NAV2: variants seen among roughly 807,000 people sequenced by gnomAD.
The protein encoded by NAV2 is neuron navigator 2.
A neutral mutation model predicts 223.2 loss-of-function variants in NAV2; 54 were observed. That is an observed-to-expected ratio of 0.24 (90% CI 0.19 to 0.30). The LOEUF (loss-of-function observed/expected upper bound fraction) is 0.30. Ranked by LOEUF, NAV2 falls within the 10% of genes least tolerant of loss-of-function variation. The pLI, the probability that NAV2 is intolerant of heterozygous loss-of-function variation, is 1.00. For synonymous variants in NAV2, 1,279 were observed against 1,239.3 expected (o/e 1.03, Z -0.67); for missense variants, 2,806 against 3,147.5 (o/e 0.89, Z 2.60).
At chr11:19,394,769 G>C (rs1418715603) in intron 1 of NAV2, among the ~76,000 whole-genome samples, 3 of 152,204 alleles carry the variant, frequency 2.0e-5, no homozygotes, top group African/African-American at 7.2e-5. Context: ...CCCCAGTGAG[G>C]TGGGGAGTGG....
intron 1 of NAV2, among the ~76,000 whole-genome samples, chr11:19,703,540 C>A (rs2049572340): frequency 6.6e-6 from 1 of 152,208 alleles, no homozygotes; most frequent in Admixed American, 6.5e-5. Context: ...ATGCTACCCG[C>A]ACCGCTGGAG....
At chr11:19,976,458 C>A (rs1989730) in intron 10 of NAV2, among the ~76,000 whole-genome samples, 5 of 152,186 alleles carry the variant, frequency 3.3e-5, no homozygotes, top group African/African-American at 1.2e-4. Context: ...TTTTCCCTGG[C>A]GAGGCTGGCA....
chr11:19,993,440 ACACTTAAATT>A (rs755493346), intron 11 of NAV2, among the ~76,000 whole-genome samples: 2 of 152,216 alleles, frequency 1.3e-5, no homozygotes, highest in Non-Finnish European at 2.9e-5. Context: ...TCACATGGCT[ACACTTAAATT>A]CAAAGGTGAA....
intron 11 of NAV2, among the ~76,000 whole-genome samples, chr11:20,000,262 A>C (rs2052410389): frequency 6.6e-6 from 1 of 152,238 alleles, no homozygotes; most frequent in Non-Finnish European, 1.5e-5. Flanking sequence ...ACCTGTTAAA[A>C]TCCCCAGCAA....
At position 19,933,821 on chromosome 11, in the gene NAV2, G is replaced by A; in HGVS notation, c.1577G>A (p.Gly526Glu). ...LKEEPKEDPS[G>E]AAVPEMPKKS... ...GAGGAGCCAAAAGAAGACCCCAGTG[G>A]AGCAGCTGTGCCCGAGATGCCAAAA... Residue 526 changes from glycine (G) to glutamate (E), a missense_variant, in exon 7 of 38, where the codon GGA (glycine) becomes GAA (glutamate). Coordinates refer to ENST00000349880, the MANE Select transcript of NAV2 (RefSeq NM_145117.5). This position sits in a 1 kb window ranked among gnomAD's most constrained non-coding sequence, Gnocchi z 4.3. 2 of 1,612,828 alleles carry A rather than the reference G, an allele frequency of 1.2e-6. No individual in the cohort carries two copies. Among genetic ancestry groups the A allele is most frequent in the African/African-American group, 1.3e-5 (1 of 74,816 alleles).
intron 6 of NAV2, among the ~76,000 whole-genome samples, chr11:19,917,721 T>G (rs999183505): frequency 4.6e-5 from 7 of 152,254 alleles, no homozygotes; most frequent in African/African-American, 7.2e-5. Flanking sequence ...CAAGTGATTC[T>G]CCTGCCTCAG....
chr11:19,532,440 C>T (rs34967318), intron 1 of NAV2, among the ~76,000 whole-genome samples: 16,534 of 152,166 alleles, frequency 0.11, 984 homozygotes, highest in East Asian at 0.16. Flanking sequence ...AACATCTGCC[C>T]CTATAAAATG....
chr11:20,027,257 T>C (rs556200676), intron 11 of NAV2: 30 of 985,090 alleles, frequency 3.0e-5, no homozygotes, highest in East Asian at 1.1e-4. Context: ...AAGCCTACAG[T>C]TAGGCTTGCT....
chr11:20,026,546 G>C (rs949838109), intron 11 of NAV2, among the ~76,000 whole-genome samples: 4 of 152,020 alleles, frequency 2.6e-5, no homozygotes, highest in Non-Finnish European at 5.9e-5. Flanking sequence ...TCCTGACCTC[G>C]TGATCCACCC....
chr11:19,661,020 C>T (rs972975413), intron 1 of NAV2, among the ~76,000 whole-genome samples: 2 of 152,074 alleles, frequency 1.3e-5, no homozygotes, highest in African/African-American at 4.8e-5. Context: ...TGTCGTGCAA[C>T]CATCTCTACC....
intron 1 of NAV2, among the ~76,000 whole-genome samples, chr11:19,516,393 C>T (rs528466979): frequency 2.1e-4 from 32 of 152,300 alleles, no homozygotes; most frequent in East Asian, 3.9e-4. Flanking sequence ...ACACCGTGGG[C>T]GGGAAATCAC....
rs569483644 is a variant in NAV2 at position 19,534,492 on chromosome 11, A to G, written c.75+183465A>G. ...CAGTGTCTCATGGAAGGAGAGCAATAAAAGAGGTGAGAGAGAGAGAAGTGA... is the reference window on the plus strand; with the variant it reads ...CAGTGTCTCATGGAAGGAGAGCAATGAAAGAGGTGAGAGAGAGAGAAGTGA... On this transcript the variant is annotated intron_variant, in intron 1 of 37. Transcript: ENST00000360655. 4.1e-4 allele frequency among the ~76,000 whole-genome samples: 63 copies of G among 152,350 alleles called. 3 individuals are homozygous for G. In the South Asian group the frequency reaches 0.011, roughly 28 times the overall value.
intron 29 of NAV2, 36 bp downstream of exon 29, chr11:20,093,235 TC>T (rs2060985949): frequency 1.4e-6 from 2 of 1,397,568 alleles, no homozygotes; most frequent in Non-Finnish European, 2.0e-6. Flanking sequence ...TGCCTGTCCC[TC>T]CCCCAGGTAG....
intron 6 of NAV2, among the ~76,000 whole-genome samples, chr11:19,925,857 T>G (rs565777639): frequency 6.6e-6 from 1 of 152,344 alleles, no homozygotes; most frequent in South Asian, 2.1e-4. Context: ...TGAATAGTTG[T>G]GGAACTCTTA....
chr11:19,556,850 C>A (rs1431478784), intron 1 of NAV2, among the ~76,000 whole-genome samples: 2 of 152,082 alleles, frequency 1.3e-5, no homozygotes, highest in African/African-American at 2.4e-5. Context: ...TAATAAATGA[C>A]CATGCTGTAT....
At chr11:20,015,977 C>T (rs1236562434) in intron 11 of NAV2, among the ~76,000 whole-genome samples, 3 of 152,206 alleles carry the variant, frequency 2.0e-5, no homozygotes, top group African/African-American at 7.2e-5. Flanking sequence ...CAGTCTGTCG[C>T]TTGGCAGTTG....
Position 19,656,923 on chromosome 11 carries a change from C to T in NAV2, c.76-175561C>T, listed in dbSNP as rs529342105. 3.9e-5 allele frequency among the ~76,000 whole-genome samples: 6 copies of T among 152,262 alleles called. No individual in the cohort carries two copies. The South Asian group carries it at 6.2e-4, about 16-fold the overall frequency. ...GAATCAAGGATATCACCTAGGCTTT[C>T]CACCTGAGCACCTGGGAGAATGCAG... On this transcript the variant is annotated intron_variant, in intron 1 of 37. Coordinates refer to the NAV2 transcript ENST00000360655.
intron 1 of NAV2, among the ~76,000 whole-genome samples, chr11:19,676,150 C>T (rs978548009): frequency 6.6e-6 from 1 of 152,204 alleles, no homozygotes; most frequent in African/African-American, 2.4e-5. Context: ...AGCTTCTTCC[C>T]TGTCCCTTCC....
At chr11:19,774,744 T>C (rs1309017655) in intron 1 of NAV2, among the ~76,000 whole-genome samples, 1 of 152,172 alleles carries the variant, frequency 6.6e-6, no homozygotes, top group Non-Finnish European at 1.5e-5. Flanking sequence ...ACCTATGACC[T>C]AAGGTGTGTG....
Sources: allele counts gnomAD v4.1 joint callset (sites outside exome capture counted in the v4.1 genomes callset), GRCh38; gene constraint gnomAD v4.1.1; non-coding constraint Gnocchi (gnomAD v3.1); transcripts MANE v1.5; gene names NCBI Gene and HGNC (gene_info 2026-07-23, HGNC 2026-07-21).